Variants in ENOSF1 observed in about 807,000 individuals in gnomAD.
ENOSF1 encodes the protein mitochondrial enolase superfamily member 1.
In ENOSF1, 73 loss-of-function variants were observed where a neutral mutation model predicts 68.2. The ratio of observed to expected loss-of-function variants is 1.07; its 90% CI spans 0.89 to 1.30. The LOEUF (loss-of-function observed/expected upper bound fraction) is 1.30, where lower values mean the gene tolerates loss of function less well. Ranked by LOEUF, ENOSF1 falls within the 50% of genes most tolerant of loss-of-function variation. The pLI, the probability that ENOSF1 is intolerant of heterozygous loss-of-function variation, is 0.00. For synonymous variants in ENOSF1, 223 were observed against 210.4 expected (o/e 1.06, Z -0.52); for missense variants, 589 against 554.5 (o/e 1.06, Z -0.62).
intron 1 of ENOSF1, 176 bp downstream of exon 1, chr18:712,328 C>T: frequency 1.3e-6 from 2 of 1,533,284 alleles, no homozygotes; most frequent in Non-Finnish European, 8.7e-7. Context: ...GTCGGCGGGG[C>T]GGGAGGGACC....
In ENOSF1 at chr18:670,998, G is replaced by T. The variant is rs1210605705; in HGVS notation, c.*3307C>A. 9.0e-6 allele frequency: 10 copies of T among 1,106,672 alleles called. No homozygotes were observed. Among genetic ancestry groups the T allele is most frequent in the Non-Finnish European group, 1.3e-5 (10 of 790,648 alleles). The allele number at this position is 1,106,672 out of a possible 1,614,324, so 68.6% of individuals were successfully genotyped here. A position where few individuals can be genotyped will look rare whatever the true frequency, so the allele number is the denominator to read the frequency against. ...AATTTGATATGTGTAAGTAAGAAAT[G>T]AACCAGCTTTTACTTTGAAACCTTC... is the stretch of plus-strand genomic sequence containing the variant. On this transcript the variant is annotated 3_prime_UTR_variant, in exon 16 of 16. Transcript: ENST00000647584.
rs1204049932 is a variant in ENOSF1 at position 673,170 on chromosome 18, G to GTTCT, written c.*1131_*1134dup. ...GCCACTGGCAAATGTAACTGTGCCA[G>GTTCT]TTCTTTCCATAATAAAAGGCTTTGA... On this transcript the variant is annotated 3_prime_UTR_variant, in exon 16 of 16. Coordinates refer to ENST00000647584, the MANE Select transcript of ENOSF1 (RefSeq NM_017512.7). 1 of 616,194 alleles carries GTTCT rather than the reference G, an allele frequency of 1.6e-6. No individual in the cohort carries two copies. Among genetic ancestry groups the GTTCT allele is most frequent in the Admixed American group, 3.2e-5 (1 of 31,398 alleles). 38.2% of individuals were successfully genotyped at this position (616,194 alleles called of 1,614,324 possible). A position where few individuals can be genotyped will look rare whatever the true frequency, so the allele number is the denominator to read the frequency against.
chr18:706,158 C>T (rs989362050), intron 2 of ENOSF1, among the ~76,000 whole-genome samples: 1 of 151,928 alleles, frequency 6.6e-6, no homozygotes, highest in African/African-American at 2.4e-5. Context: ...ACAGTGGCCC[C>T]GGGTGAAAGG....
intron 1 of ENOSF1, among the ~76,000 whole-genome samples, chr18:711,841 G>A (rs796599661): frequency 9.9e-5 from 15 of 152,262 alleles, no homozygotes; most frequent in African/African-American, 3.6e-4. Flanking sequence ...GTTAGCACGC[G>A]CTTGGTTTCT....
downstream of ENOSF1, among the ~76,000 whole-genome samples, chr18:666,462 G>A (rs563603515): frequency 5.0e-4 from 76 of 152,272 alleles, no homozygotes; most frequent in African/African-American, 1.8e-3. Context: ...CACTGTTGGT[G>A]TCACCTCTTA....
At chr18:685,864 T>C in intron 10 of ENOSF1, 57 bp downstream of exon 10, 1 of 1,277,372 alleles carries the variant, frequency 7.8e-7, no homozygotes, top group Non-Finnish European at 1.1e-6. Flanking sequence ...TTGAAACGAG[T>C]TGTATTTAGC....
chr18:671,990 G>T lies in ENOSF1; in HGVS notation c.*2315C>A, dbSNP rs563730327. The T allele has an allele frequency of 1.3e-5, 2 of 153,228 alleles. No homozygotes were observed. Among genetic ancestry groups the T allele is most frequent in the African/African-American group, 4.8e-5 (2 of 41,562 alleles). The allele number at this position is 153,228 out of a possible 1,614,324, so 9.5% of individuals were successfully genotyped here. A position where few individuals can be genotyped will look rare whatever the true frequency, so the allele number is the denominator to read the frequency against. ...AGATGGGGTTTCATCATGTTGGCCA[G>T]GCTAGTCTCAAACTCCTGACTTCAA... is the stretch of plus-strand genomic sequence containing the variant. On this transcript the variant is annotated 3_prime_UTR_variant, in exon 16 of 16. Coordinates refer to ENST00000647584, the MANE Select transcript of ENOSF1 (RefSeq NM_017512.7).
rs375211983 is a variant in ENOSF1, at chr18:677,880, T to C, written c.919-8A>G. ...TATCACTCTATTGTGGCACTGGAAA[T>C]AGAATTGAAAATAACACCAACAGAA... On this transcript the variant is annotated splice_region_variant and splice_polypyrimidine_tract_variant and intron_variant, in intron 12 of 15. Coordinates refer to ENST00000647584, the MANE Select transcript of ENOSF1 (RefSeq NM_017512.7). 14 of 1,610,398 alleles carry C rather than the reference T, an allele frequency of 8.7e-6. No homozygotes were observed. Among genetic ancestry groups the C allele is most frequent in the South Asian group, 1.1e-5 (1 of 90,340 alleles).
downstream of ENOSF1, among the ~76,000 whole-genome samples, chr18:666,891 A>T (rs994254060): frequency 3.4e-4 from 21 of 62,188 alleles, no homozygotes; most frequent in Non-Finnish European, 5.7e-4. Flanking sequence ...AAAGTTCGGG[A>T]GATGGTGATG....
At chr18:667,571 A>ATGGTGATGGTGATGGTGATGGT (rs1368458016), downstream of ENOSF1, 2 of 27,950 alleles carry the variant, frequency 7.2e-5, no homozygotes, top group Non-Finnish European at 1.2e-4. Context: ...ATGGTGATGG[A>ATGGTGATGGTGATGGTGATGGT]GATGGTGATG....
downstream of ENOSF1, among the ~76,000 whole-genome samples, chr18:666,893 ATGG>A (rs1372339359): frequency 0.13 from 9,208 of 68,358 alleles, 816 homozygotes; most frequent in Non-Finnish European, 0.15. Flanking sequence ...AGTTCGGGAG[ATGG>A]TGATGGAGAT....
At chr18:685,084 A>C (rs1311610160) in intron 10 of ENOSF1, among the ~76,000 whole-genome samples, 1 of 152,098 alleles carries the variant, frequency 6.6e-6, no homozygotes, top group Non-Finnish European at 1.5e-5. Context: ...GGCTGGTCCC[A>C]AACTCCTGGC....
chr18:706,038 C>T (rs2078895207), intron 2 of ENOSF1, among the ~76,000 whole-genome samples: 3 of 151,874 alleles, frequency 2.0e-5, no homozygotes, highest in Non-Finnish European at 4.4e-5. Context: ...TATTGAAAAG[C>T]GAGTAGACGT....
chr18:696,051 G>C (rs2077675140), intron 3 of ENOSF1, among the ~76,000 whole-genome samples: 1 of 152,086 alleles, frequency 6.6e-6, no homozygotes, highest in Admixed American at 6.6e-5. Flanking sequence ...TCACCTTATT[G>C]TGTTGGAATC....
intron 2 of ENOSF1, among the ~76,000 whole-genome samples, chr18:698,869 G>C (rs1486046515): frequency 1.3e-5 from 2 of 152,004 alleles, no homozygotes; most frequent in Non-Finnish European, 1.5e-5. Flanking sequence ...TGATACACCT[G>C]CCTCGGCCAC....
chr18:698,989 C>T (rs1411484445), intron 2 of ENOSF1, among the ~76,000 whole-genome samples: 2 of 151,964 alleles, frequency 1.3e-5, no homozygotes, highest in Non-Finnish European at 2.9e-5. Context: ...GTAGCTAGGA[C>T]CTACACGCAA....
rs963119644 is a variant in ENOSF1, at chr18:674,492, C to G, written c.1231-86G>C. The G allele has an allele frequency of 3.6e-6, 3 of 836,782 alleles. No individual in the cohort carries two copies. The African/African-American group carries it at 5.3e-5, about 15-fold the overall frequency. 51.8% of individuals were successfully genotyped at this position (836,782 alleles called of 1,614,324 possible). A position where few individuals can be genotyped will look rare whatever the true frequency, so the allele number is the denominator to read the frequency against. ...TGCATTTATGCTGCTCCAAGAAATG[C>G]TTTTACGTCTAAGCCAGAGGCAATT... On this transcript the variant is annotated intron_variant, in intron 15 of 15. Coordinates refer to ENST00000647584, the MANE Select transcript of ENOSF1 (RefSeq NM_017512.7).
At chr18:692,674 T>C (rs1486777252) in intron 5 of ENOSF1, 1 of 983,490 alleles carries the variant, frequency 1.0e-6, no homozygotes, top group Non-Finnish European at 1.2e-6. Context: ...GATCCAAAAA[T>C]GGAGGGTCCA....
In ENOSF1 at chr18:693,870, A is replaced by AAT. The variant is rs774944076; in HGVS notation, c.423+10_423+11dup. ...TTACAGAAACAATTGTAACATTAAC[A>AAT]ATGCTACTCACCATGTCCACAAGTA... is the stretch of plus-strand genomic sequence containing the variant. On this transcript the variant is annotated intron_variant, in intron 5 of 15. Transcript: ENST00000647584. 6.2e-7 allele frequency: 1 copy of AAT among 1,613,766 alleles called. No homozygotes were observed. Among genetic ancestry groups the AAT allele is most frequent in the Non-Finnish European group, 8.5e-7 (1 of 1,179,942 alleles).
Sources: gnomAD v4.1 joint callset for allele counts (sites outside exome capture counted in the v4.1 genomes callset) on GRCh38, gnomAD v4.1.1 for gene constraint, MANE v1.5 for transcripts, NCBI Gene and HGNC (gene_info 2026-07-23, HGNC 2026-07-21) for gene names.